STK32B: variants seen among roughly 807,000 people sequenced by gnomAD.
STK32B encodes the protein serine/threonine-protein kinase 32B.
In STK32B, 43 loss-of-function variants were observed where a neutral mutation model predicts 52.6. The observed-to-expected ratio is 0.82, with a 90% CI of 0.64 to 1.05. The LOEUF (loss-of-function observed/expected upper bound fraction) is 1.05, where lower values mean the gene tolerates loss of function less well. STK32B is among the 50% of genes least tolerant of loss of function. STK32B has a pLI of 0.00. For synonymous variants in STK32B, 238 were observed against 204.3 expected, an observed-to-expected ratio of 1.17 and a Z score of -1.41; for missense variants, 621 against 534.6, an observed-to-expected ratio of 1.16 and a Z score of -1.59.
intron 3 of STK32B, among the ~76,000 whole-genome samples, chr4:5,200,973 C>A (rs957535221): frequency 1.3e-5 from 2 of 152,066 alleles, no homozygotes; most frequent in African/African-American, 4.8e-5. Context: ...ATTGGATGGG[C>A]GGAGGAAGCA....
intron 4 of STK32B, among the ~76,000 whole-genome samples, chr4:5,371,747 A>G (rs1013028379): frequency 3.3e-5 from 5 of 152,268 alleles, no homozygotes; most frequent in Non-Finnish European, 5.9e-5. Flanking sequence ...AAGCAGCCGT[A>G]ATAAACAGTG....
At chr4:5,448,476 G>T (rs144316361) in intron 7 of STK32B, among the ~76,000 whole-genome samples, 102 of 152,310 alleles carry the variant, frequency 6.7e-4, no homozygotes, top group African/African-American at 2.4e-3. Context: ...AATGACCTTG[G>T]CGAGCATTTG....
intron 1 of STK32B, among the ~76,000 whole-genome samples, chr4:5,111,730 A>G (rs1204948038): frequency 6.6e-6 from 1 of 152,082 alleles, no homozygotes; most frequent in African/African-American, 2.4e-5. Flanking sequence ...GTAACAAACA[A>G]ACACATGTAC....
intron 3 of STK32B, among the ~76,000 whole-genome samples, chr4:5,283,229 G>A (rs1312755557): frequency 1.3e-5 from 2 of 151,924 alleles, no homozygotes; most frequent in Non-Finnish European, 2.9e-5. Flanking sequence ...AGTCATTAAT[G>A]TTGTCACAAA....
At chr4:5,248,809 G>A (rs1471064546) in intron 3 of STK32B, among the ~76,000 whole-genome samples, 4 of 151,982 alleles carry the variant, frequency 2.6e-5, no homozygotes, top group Admixed American at 2.0e-4. Flanking sequence ...ATAATTCTCA[G>A]CAAACTATCG....
intron 2 of STK32B, among the ~76,000 whole-genome samples, chr4:5,140,796 A>G (rs1716384679): frequency 6.6e-6 from 1 of 152,206 alleles, no homozygotes; most frequent in South Asian, 2.1e-4. Context: ...GATCCAATCC[A>G]TGCATACTAA....
intron 3 of STK32B, among the ~76,000 whole-genome samples, chr4:5,274,653 C>T (rs115267555): frequency 0.027 from 4,145 of 152,276 alleles, 65 homozygotes; most frequent in Non-Finnish European, 0.043. Context: ...ATATAAACCC[C>T]GGCATTGGAG....
chr4:5,179,304 GT>G (rs1477345754), intron 3 of STK32B, among the ~76,000 whole-genome samples: 1 of 152,202 alleles, frequency 6.6e-6, no homozygotes, highest in Non-Finnish European at 1.5e-5. Flanking sequence ...ATCCCACTGG[GT>G]TCCTCCCATG....
At chr4:5,457,406 G>A (rs1421139691) in intron 8 of STK32B, among the ~76,000 whole-genome samples, 7 of 150,540 alleles carry the variant, frequency 4.6e-5, no homozygotes, top group Non-Finnish European at 8.9e-5. Flanking sequence ...TAGTAGAGAC[G>A]GGGTTTCACC....
At chr4:5,464,924 T>A (rs114045090) in intron 9 of STK32B, among the ~76,000 whole-genome samples, 2,522 of 152,216 alleles carry the variant, frequency 0.017, 33 homozygotes, top group Non-Finnish European at 0.027. Context: ...GGGCCTGAGA[T>A]TCAACTTGCT....
intron 11 of STK32B, among the ~76,000 whole-genome samples, chr4:5,483,971 G>C (rs1718935890): frequency 1.3e-5 from 2 of 152,078 alleles, no homozygotes; most frequent in African/African-American, 4.8e-5. Context: ...TATAATTTCT[G>C]TTCTTTTACA....
intron 1 of STK32B, among the ~76,000 whole-genome samples, chr4:5,134,342 A>G (rs1715945329): frequency 6.6e-6 from 1 of 152,164 alleles, no homozygotes; most frequent in Admixed American, 6.5e-5. Context: ...TGTCATTATC[A>G]TGGGAGTAGA....
At chr4:5,364,368 A>G (rs903910897) in intron 4 of STK32B, among the ~76,000 whole-genome samples, 1 of 152,180 alleles carries the variant, frequency 6.6e-6, no homozygotes, top group Admixed American at 6.5e-5. Flanking sequence ...GGGGAAAGAG[A>G]CAGATCCTGC....
intron 3 of STK32B, among the ~76,000 whole-genome samples, chr4:5,283,777 C>A (rs192760341): frequency 1.3e-5 from 2 of 152,104 alleles, no homozygotes; most frequent in Non-Finnish European, 1.5e-5. Flanking sequence ...AAGTCCTGGG[C>A]AAACAAAGCT....
chr4:5,389,963 G>A (rs915974923), intron 4 of STK32B, among the ~76,000 whole-genome samples: 1 of 152,230 alleles, frequency 6.6e-6, no homozygotes, highest in African/African-American at 2.4e-5. Context: ...CCGCAAGGGG[G>A]TGCCAGCAGT....
At chr4:5,062,443 A>G (rs1368862709) in intron 1 of STK32B, among the ~76,000 whole-genome samples, 1 of 152,136 alleles carries the variant, frequency 6.6e-6, no homozygotes. Context: ...AGCTCCTTGA[A>G]TGTCCTCCAC....
At chr4:5,173,910 A>G (rs1719601778) in intron 3 of STK32B, among the ~76,000 whole-genome samples, 1 of 152,184 alleles carries the variant, frequency 6.6e-6, no homozygotes, top group Non-Finnish European at 1.5e-5. Context: ...GGGATGTTAA[A>G]GTCTCCTATT....
intron 3 of STK32B, among the ~76,000 whole-genome samples, chr4:5,270,682 G>A (rs1300291198): frequency 6.6e-6 from 1 of 152,058 alleles, no homozygotes; most frequent in East Asian, 1.9e-4. Context: ...AGTAAACATT[G>A]TACTGAAGGG....
intron 3 of STK32B, among the ~76,000 whole-genome samples, chr4:5,293,784 T>C (rs763183571): frequency 2.3e-4 from 35 of 152,192 alleles, no homozygotes; most frequent in Non-Finnish European, 4.1e-4. Flanking sequence ...CAGAAGCTCT[T>C]TAGTTTAATG....
Sources: gnomAD v4.1 joint callset for allele counts (sites outside exome capture counted in the v4.1 genomes callset) on GRCh38, gnomAD v4.1.1 for gene constraint, MANE v1.5 for transcripts, NCBI Gene and HGNC (gene_info 2026-07-23, HGNC 2026-07-21) for gene names.